Variants in RTTN observed in about 807,000 individuals in gnomAD.
RTTN encodes rotatin.
RTTN carries 182 observed loss-of-function variants against 269.2 expected under a neutral mutation model. That is an observed-to-expected ratio of 0.68 (90% CI 0.60 to 0.76). The LOEUF (loss-of-function observed/expected upper bound fraction) is 0.76, where lower values mean the gene tolerates loss of function less well. Ranked by LOEUF, RTTN falls within the 30% of genes least tolerant of loss-of-function variation. RTTN has a pLI of 0.00. For missense variants in RTTN, 2,545 were observed against 2,608.6 expected, an observed-to-expected ratio of 0.98 and a Z score of 0.53; for synonymous variants, 1,006 against 963.5, an observed-to-expected ratio of 1.04 and a Z score of -0.82.
chr18:70,195,059 G>C (rs984997695), intron 7 of RTTN, among the ~76,000 whole-genome samples: 3 of 152,150 alleles, frequency 2.0e-5, no homozygotes, highest in Admixed American at 6.5e-5. Context: ...ACACTTCAAA[G>C]AAAATATAAA....
At chr18:70,022,583 G>A (rs979601558) in intron 44 of RTTN, among the ~76,000 whole-genome samples, 14 of 152,186 alleles carry the variant, frequency 9.2e-5, no homozygotes, top group African/African-American at 3.1e-4. Flanking sequence ...TGGAAAAGCT[G>A]TCTCCTCTAC....
At chr18:70,028,905 G>T (rs577455587) in intron 42 of RTTN, 104 bp from the exon 43 acceptor site, 5 of 664,282 alleles carry the variant, frequency 7.5e-6, no homozygotes, top group South Asian at 6.5e-5. Flanking sequence ...ATGCAGGTGT[G>T]CTCTAATCAT....
At chr18:70,165,227 A>G (rs2060953226) in intron 14 of RTTN, among the ~76,000 whole-genome samples, 1 of 151,988 alleles carries the variant, frequency 6.6e-6, no homozygotes, top group Non-Finnish European at 1.5e-5. Flanking sequence ...AAGGTGAATG[A>G]ACTAGGCAAA....
intron 28 of RTTN, among the ~76,000 whole-genome samples, chr18:70,101,042 T>G (rs1404397574): frequency 2.6e-5 from 4 of 152,180 alleles, no homozygotes; most frequent in Non-Finnish European, 5.9e-5. Flanking sequence ...ATTCTCTTTT[T>G]TTGTTGTCTC....
intron 22 of RTTN, among the ~76,000 whole-genome samples, 174 bp downstream of exon 22, chr18:70,135,010 G>A (rs1306369502): frequency 1.3e-5 from 2 of 152,120 alleles, no homozygotes; most frequent in African/African-American, 2.4e-5. Context: ...TAGACTTTCT[G>A]AGCTAATAGG....
At chr18:70,065,801 A>C in intron 35 of RTTN, 28 bp downstream of exon 35, 1 of 1,439,506 alleles carries the variant, frequency 6.9e-7, no homozygotes, top group Non-Finnish European at 9.4e-7. Context: ...TTCTTTTTGA[A>C]GGTAGAATGT....
At chr18:70,077,328 G>A (rs1326562674) in intron 32 of RTTN, among the ~76,000 whole-genome samples, 2 of 151,730 alleles carry the variant, frequency 1.3e-5, no homozygotes, top group Admixed American at 1.3e-4. Flanking sequence ...AACCTTTAAT[G>A]AAAATAGAGA....
intron 14 of RTTN, among the ~76,000 whole-genome samples, chr18:70,159,628 C>T (rs148497834): frequency 3.3e-5 from 5 of 151,798 alleles, no homozygotes; most frequent in Admixed American, 1.3e-4. Context: ...CACAAAAGAT[C>T]GACAAAACCA....
At chr18:70,036,987 A>G (rs1350931163) in intron 40 of RTTN, among the ~76,000 whole-genome samples, 6 of 152,196 alleles carry the variant, frequency 3.9e-5, no homozygotes, top group African/African-American at 1.4e-4. Flanking sequence ...GGAGGGAGAG[A>G]GCAGCGACTG....
intron 10 of RTTN, 86 bp from the exon 11 acceptor site, chr18:70,176,931 T>C (rs2061317794): frequency 3.2e-6 from 3 of 949,252 alleles, no homozygotes; most frequent in South Asian, 5.0e-5. Flanking sequence ...CAGTTTAAAA[T>C]ATTATCATTT....
At chr18:70,129,037 T>C (rs1463577999) in intron 23 of RTTN, 2 of 152,248 alleles carry the variant, frequency 1.3e-5, no homozygotes, top group Non-Finnish European at 2.9e-5. Flanking sequence ...ATGACTGAAT[T>C]CCAGCTTATT....
intron 38 of RTTN, chr18:70,053,295 C>T (rs1379000405): frequency 6.6e-6 from 1 of 152,118 alleles, no homozygotes; most frequent in Non-Finnish European, 1.5e-5. Flanking sequence ...TTTGCCTCAC[C>T]CTCTTCTCCC....
chr18:70,057,490 TG>T (rs2057852529), intron 37 of RTTN, among the ~76,000 whole-genome samples: 1 of 152,204 alleles, frequency 6.6e-6, no homozygotes, highest in Non-Finnish European at 1.5e-5. Flanking sequence ...TCCAGACACT[TG>T]ATCATACATT....
At chr18:70,088,239 A>T in intron 30 of RTTN, 92 bp from the exon 31 acceptor site, 1 of 1,175,764 alleles carries the variant, frequency 8.5e-7, no homozygotes, top group Non-Finnish European at 1.2e-6. Context: ...ATCACACTTT[A>T]AAAAAATCCA....
chr18:70,069,446 AAAG>A (rs762882434), intron 34 of RTTN, among the ~76,000 whole-genome samples: 16 of 152,310 alleles, frequency 1.1e-4, no homozygotes, highest in Non-Finnish European at 2.2e-4. Context: ...TTTGGTAACT[AAAG>A]AAGGTTTCTA....
At chr18:70,134,728 T>A (rs945692546) in intron 22 of RTTN, among the ~76,000 whole-genome samples, 187 bp from the exon 23 acceptor site, 6 of 152,100 alleles carry the variant, frequency 3.9e-5, no homozygotes, top group Non-Finnish European at 8.8e-5. Flanking sequence ...AAATTATGTT[T>A]TAAAAAAAAA....
intron 46 of RTTN, among the ~76,000 whole-genome samples, chr18:70,011,939 GCTCACTGGTATTGGTTAC>G (rs1409792189): frequency 1.1e-4 from 17 of 149,850 alleles, no homozygotes; most frequent in African/African-American, 4.2e-4. Context: ...GGCAGCGTCT[GCTCACTGGTATTGGTTAC>G]AGGGCAGCGT....
intron 40 of RTTN, among the ~76,000 whole-genome samples, chr18:70,035,604 C>A (rs975882284): frequency 1.3e-5 from 2 of 152,096 alleles, no homozygotes. Flanking sequence ...ACTATTAAAA[C>A]GCTGGAAGAC....
At chr18:70,128,822 T>C (rs575966863) in intron 23 of RTTN, 26 of 287,854 alleles carry the variant, frequency 9.0e-5, no homozygotes, top group African/African-American at 5.1e-4. Context: ...TAATGCTCCT[T>C]GAAGTCAGGG....
Sources: gnomAD v4.1 joint callset for allele counts (sites outside exome capture counted in the v4.1 genomes callset) on GRCh38, gnomAD v4.1.1 for gene constraint, MANE v1.5 for transcripts, NCBI Gene and HGNC (gene_info 2026-07-23, HGNC 2026-07-21) for gene names.